NCAM2: variants seen among roughly 807,000 people sequenced by gnomAD.
NCAM2 encodes the protein neural cell adhesion molecule 2.
NCAM2 carries 30 observed loss-of-function variants against 98.1 expected under a neutral mutation model. The observed-to-expected ratio is 0.31, with a 90% CI of 0.23 to 0.41. The LOEUF is 0.41. Ranked by LOEUF, NCAM2 falls within the 10% of genes least tolerant of loss-of-function variation. The probability of loss-of-function intolerance (pLI) is 1.00; values close to 1 mark genes in which losing one functional copy is unlikely to be tolerated. For synonymous variants in NCAM2, 368 were observed against 342.4 expected (o/e 1.07, Z -0.83); for missense variants, 867 against 1,005.8 (o/e 0.86, Z 1.87).
At chr21:21,215,019 T>A (rs2069835639) in intron 1 of NCAM2, among the ~76,000 whole-genome samples, 1 of 151,760 alleles carries the variant, frequency 6.6e-6, no homozygotes, top group South Asian at 2.1e-4. Context: ...ATTTTAGAAG[T>A]CTTTTGAATA....
intron 1 of NCAM2, among the ~76,000 whole-genome samples, chr21:21,225,369 C>A (rs1457914573): frequency 6.6e-6 from 1 of 151,998 alleles, no homozygotes; most frequent in Non-Finnish European, 1.5e-5. Flanking sequence ...ATCCATGTAA[C>A]AAACCTGCAC....
At chr21:21,065,986 C>T (rs1188874950) in intron 1 of NCAM2, among the ~76,000 whole-genome samples, 2 of 152,178 alleles carry the variant, frequency 1.3e-5, no homozygotes, top group African/African-American at 4.8e-5. Context: ...ATATGCAGAA[C>T]AGATGCCTCT....
At chr21:21,367,260 G>A (rs1386348997) in intron 8 of NCAM2, among the ~76,000 whole-genome samples, 2 of 151,738 alleles carry the variant, frequency 1.3e-5, no homozygotes, top group Admixed American at 6.6e-5. Flanking sequence ...GATTTAGGGG[G>A]TACAACTAAA....
At chr21:21,204,361 A>AT (rs141465559) in intron 1 of NCAM2, among the ~76,000 whole-genome samples, 2,704 of 152,120 alleles carry the variant, frequency 0.018, 79 homozygotes, top group African/African-American at 0.062. Context: ...TATTTTTGAG[A>AT]TTTTCGGTAG....
intron 1 of NCAM2, among the ~76,000 whole-genome samples, chr21:21,235,233 C>G (rs1601722289): frequency 6.6e-6 from 1 of 151,618 alleles, no homozygotes; most frequent in African/African-American, 2.4e-5. Flanking sequence ...TTTTTAAAAT[C>G]AATTCAATTT....
intron 1 of NCAM2, among the ~76,000 whole-genome samples, chr21:21,015,901 G>T (rs1412298271): frequency 6.6e-6 from 1 of 152,024 alleles, no homozygotes; most frequent in East Asian, 1.9e-4. Flanking sequence ...TAGAGACAGG[G>T]TTTCACCATG....
intron 1 of NCAM2, among the ~76,000 whole-genome samples, chr21:21,065,305 C>G (rs1294435740): frequency 6.6e-6 from 1 of 152,080 alleles, no homozygotes; most frequent in Non-Finnish European, 1.5e-5. Flanking sequence ...ATTTAACAAG[C>G]AATTATATTA....
chr21:21,480,222 C>T (rs1034937475), intron 15 of NCAM2, among the ~76,000 whole-genome samples: 1 of 151,826 alleles, frequency 6.6e-6, no homozygotes, highest in Non-Finnish European at 1.5e-5. Flanking sequence ...AAAAAATTAG[C>T]TGGGCGTACT....
At chr21:21,140,371 C>T (rs2067141151) in intron 1 of NCAM2, among the ~76,000 whole-genome samples, 1 of 152,108 alleles carries the variant, frequency 6.6e-6, no homozygotes, top group South Asian at 2.1e-4. Context: ...ACATCAGGGT[C>T]TCTGGGCAGA....
chr21:21,228,168 T>A (rs2147168889), intron 1 of NCAM2, among the ~76,000 whole-genome samples: 2 of 151,582 alleles, frequency 1.3e-5, no homozygotes. Context: ...AATGGCCAAT[T>A]ATGGTCTCAC....
intron 12 of NCAM2, among the ~76,000 whole-genome samples, chr21:21,462,196 G>A (rs1983067502): frequency 6.6e-6 from 1 of 151,970 alleles, no homozygotes; most frequent in East Asian, 1.9e-4. Context: ...TCTCTGAGTT[G>A]TTGCACAGTA....
chr21:21,041,337 C>G (rs1601178169), intron 1 of NCAM2, among the ~76,000 whole-genome samples: 1 of 152,136 alleles, frequency 6.6e-6, no homozygotes, highest in African/African-American at 2.4e-5. Flanking sequence ...ATGCTCTCAA[C>G]AGAATTTTTT....
intron 11 of NCAM2, among the ~76,000 whole-genome samples, chr21:21,419,340 G>A (rs1602284048): frequency 7.1e-6 from 1 of 140,928 alleles, no homozygotes; most frequent in East Asian, 2.1e-4. Flanking sequence ...TGTTAGGAAC[G>A]GTCATGGTTT....
At chr21:21,248,831 CT>C in intron 1 of NCAM2, among the ~76,000 whole-genome samples, 1 of 113,140 alleles carries the variant, frequency 8.8e-6, no homozygotes, top group East Asian at 3.2e-4. Context: ...TTATGAATTT[CT>C]TTCTTTGGCA....
chr21:21,520,461 A>G (rs1988952800), intron 16 of NCAM2, among the ~76,000 whole-genome samples: 2 of 152,126 alleles, frequency 1.3e-5, no homozygotes, highest in Non-Finnish European at 2.9e-5. Context: ...TGGACTGTGT[A>G]AAAGGCTTTG....
chr21:21,353,188 G>A (rs368179474), intron 8 of NCAM2, among the ~76,000 whole-genome samples: 17 of 152,148 alleles, frequency 1.1e-4, no homozygotes, highest in African/African-American at 3.6e-4. Flanking sequence ...TGTTAACTCC[G>A]TTTCAATGAC....
intron 12 of NCAM2, among the ~76,000 whole-genome samples, chr21:21,455,414 T>G (rs1318459864): frequency 6.6e-6 from 1 of 151,836 alleles, no homozygotes; most frequent in Non-Finnish European, 1.5e-5. Flanking sequence ...TGATTTTTTT[T>G]CCTTTTAATT....
chr21:21,311,064 A>G (rs2074034917), intron 5 of NCAM2, among the ~76,000 whole-genome samples: 2 of 152,224 alleles, frequency 1.3e-5, no homozygotes, highest in Admixed American at 1.3e-4. Flanking sequence ...TCTAGAAATT[A>G]TAATTTATTT....
chr21:21,170,801 C>G (rs1006161750), intron 1 of NCAM2, among the ~76,000 whole-genome samples: 1 of 151,560 alleles, frequency 6.6e-6, no homozygotes, highest in African/African-American at 2.4e-5. Context: ...TCAATTGTAA[C>G]AAATGCATCA....
Sources: gnomAD v4.1 joint callset for allele counts (sites outside exome capture counted in the v4.1 genomes callset) on GRCh38, gnomAD v4.1.1 for gene constraint, MANE v1.5 for transcripts, NCBI Gene and HGNC (gene_info 2026-07-23, HGNC 2026-07-21) for gene names.